The following KHDRBS2 variants were observed in gnomAD, a reference collection of about 807,000 sequenced individuals.
KHDRBS2 encodes KH RNA binding domain containing, signal transduction associated 2, also known as KH domain-containing, RNA-binding, signal transduction-associated protein 2.
In KHDRBS2, 26 loss-of-function variants were observed where a neutral mutation model predicts 44.3. The ratio of observed to expected loss-of-function variants is 0.59; its 90% CI spans 0.43 to 0.81. The LOEUF is 0.81. Among genes scored for constraint, KHDRBS2 ranks in the 40% least tolerant of loss-of-function variants. The pLI, the probability that KHDRBS2 is intolerant of heterozygous loss-of-function variation, is 0.00. For synonymous variants in KHDRBS2, 194 were observed against 151.1 expected, an observed-to-expected ratio of 1.28 and a Z score of -2.08; for missense variants, 476 against 433.1, an observed-to-expected ratio of 1.10 and a Z score of -0.88.
the KHDRBS2 span, chr6:61,659,029 T>C: frequency 6.6e-6 from 1 of 151,894 alleles, no homozygotes; most frequent in African/African-American, 2.4e-5. Flanking sequence ...TGTTTAATAC[T>C]GCTTTTCAGA....
At chr6:61,574,520 GGAGTATAACCCAACCTCC>G in the KHDRBS2 span, 1 of 705,480 alleles carries the variant, frequency 1.4e-6, no homozygotes, top group Admixed American at 3.0e-5. Flanking sequence ...GGGCGACCTC[GGAGTATAACCCAACCTCC>G]GAGCAACATA....
chr6:61,764,469 C>T (rs1380852473), intron 6 of KHDRBS2, among the ~76,000 whole-genome samples: 1 of 152,040 alleles, frequency 6.6e-6, no homozygotes. Flanking sequence ...TTTACTATTA[C>T]TTTTAATAAT....
chr6:61,749,157 C>T (rs1320085285), intron 6 of KHDRBS2, among the ~76,000 whole-genome samples: 23 of 151,660 alleles, frequency 1.5e-4, no homozygotes, highest in African/African-American at 2.9e-4. Context: ...GGACTACAGG[C>T]GCCCGCCACC....
intron 4 of KHDRBS2, among the ~76,000 whole-genome samples, chr6:61,934,007 C>G (rs1340835385): frequency 6.6e-6 from 1 of 152,012 alleles, no homozygotes; most frequent in Non-Finnish European, 1.5e-5. Flanking sequence ...GACATTCTAA[C>G]TGGGGTGATG....
chr6:61,579,852 G>A, the KHDRBS2 span, among the ~76,000 whole-genome samples: 3 of 144,846 alleles, frequency 2.1e-5, no homozygotes, highest in Middle Eastern at 3.5e-3. Flanking sequence ...GAGGTTGGGA[G>A]TTTGAGACCA....
chr6:61,852,178 T>C (rs1167546874), intron 6 of KHDRBS2, among the ~76,000 whole-genome samples: 2 of 151,346 alleles, frequency 1.3e-5, no homozygotes, highest in East Asian at 3.9e-4. Flanking sequence ...GCTGAGATCA[T>C]GCCACTGTAC....
chr6:62,015,703 G>A (rs1781088228), intron 3 of KHDRBS2, among the ~76,000 whole-genome samples: 1 of 152,216 alleles, frequency 6.6e-6, no homozygotes, highest in East Asian at 1.9e-4. Context: ...AAAAACAACA[G>A]TTCCATATAG....
the KHDRBS2 span, among the ~76,000 whole-genome samples, chr6:61,638,068 T>C: frequency 1.3e-5 from 2 of 152,042 alleles, no homozygotes; most frequent in Non-Finnish European, 2.9e-5. Flanking sequence ...TTGGCTTTGG[T>C]TGCCATTACT....
At chr6:62,194,480 CTTTTTTTTTTTTTTTTTTTTTT>C (rs70996208) in intron 1 of KHDRBS2, among the ~76,000 whole-genome samples, 21 of 69,776 alleles carry the variant, frequency 3.0e-4, no homozygotes, top group African/African-American at 9.2e-4. Flanking sequence ...TCTTTTCTTC[CTTTTTTTTTTTTTTTTTTTTTT>C]TTTTTTTTTT....
intron 3 of KHDRBS2, among the ~76,000 whole-genome samples, chr6:62,002,014 G>A (rs1778328295): frequency 6.6e-6 from 1 of 152,082 alleles, no homozygotes; most frequent in Admixed American, 6.6e-5. Context: ...ACTCACTTTA[G>A]CTGAAGCATA....
At chr6:61,973,795 G>T (rs1291349995) in intron 4 of KHDRBS2, among the ~76,000 whole-genome samples, 1 of 152,088 alleles carries the variant, frequency 6.6e-6, no homozygotes, top group Non-Finnish European at 1.5e-5. Context: ...AATTTTTCAA[G>T]TTCTGTCAAC....
intron 2 of KHDRBS2, among the ~76,000 whole-genome samples, chr6:62,062,260 G>C (rs996399464): frequency 1.5e-4 from 23 of 148,606 alleles, no homozygotes; most frequent in African/African-American, 5.7e-4. Context: ...ATTGAACTCA[G>C]CTCTGCACCA....
At chr6:61,691,899 T>G (rs531590842) in intron 8 of KHDRBS2, among the ~76,000 whole-genome samples, 1 of 152,170 alleles carries the variant, frequency 6.6e-6, no homozygotes, top group Non-Finnish European at 1.5e-5. Context: ...AATTTCTTTT[T>G]GCTTTCATTC....
chr6:61,902,026 G>A (rs1316422011), intron 4 of KHDRBS2, among the ~76,000 whole-genome samples: 2 of 152,028 alleles, frequency 1.3e-5, no homozygotes, highest in Non-Finnish European at 2.9e-5. Context: ...CATGATCTTG[G>A]CTCACTGCCG....
intron 6 of KHDRBS2, among the ~76,000 whole-genome samples, chr6:61,782,255 G>C (rs1327880306): frequency 6.6e-6 from 1 of 152,008 alleles, no homozygotes; most frequent in African/African-American, 2.4e-5. Context: ...GTTTTATCAG[G>C]ATTCAGATTT....
At chr6:61,779,015 C>G (rs1286125211) in intron 6 of KHDRBS2, among the ~76,000 whole-genome samples, 1 of 152,152 alleles carries the variant, frequency 6.6e-6, no homozygotes, top group Non-Finnish European at 1.5e-5. Flanking sequence ...CCAAAATGTA[C>G]TCAAGTTTCT....
chr6:62,088,069 T>C (rs1049294707), intron 2 of KHDRBS2, among the ~76,000 whole-genome samples: 4 of 152,226 alleles, frequency 2.6e-5, no homozygotes, highest in African/African-American at 9.6e-5. Context: ...TTCTCTAAAC[T>C]GGTTATTCTA....
intron 4 of KHDRBS2, among the ~76,000 whole-genome samples, chr6:61,929,077 A>C (rs1341380837): frequency 6.6e-6 from 1 of 152,240 alleles, no homozygotes; most frequent in Admixed American, 6.5e-5. Flanking sequence ...CTGCCAAAAA[A>C]CATTCAAATT....
chr6:62,272,586 T>C (rs1187436681), intron 1 of KHDRBS2, among the ~76,000 whole-genome samples: 2 of 152,136 alleles, frequency 1.3e-5, no homozygotes, highest in African/African-American at 4.8e-5. Context: ...ATGGAGGCAG[T>C]AAATTTCTGT....
Sources: gnomAD v4.1 joint callset for allele counts (sites outside exome capture counted in the v4.1 genomes callset) on GRCh38, gnomAD v4.1.1 for gene constraint, MANE v1.5 for transcripts, NCBI Gene and HGNC (gene_info 2026-07-23, HGNC 2026-07-21) for gene names.